Variants in SENP6 observed in about 807,000 individuals in gnomAD.
The protein encoded by SENP6 is sentrin-specific protease 6.
A neutral mutation model predicts 134.5 loss-of-function variants in SENP6; 41 were observed. The ratio of observed to expected loss-of-function variants is 0.30; its 90% CI spans 0.24 to 0.40. The LOEUF (loss-of-function observed/expected upper bound fraction) is 0.40, where lower values mean the gene tolerates loss of function less well. Ranked by LOEUF, SENP6 falls within the 10% of genes least tolerant of loss-of-function variation. SENP6 has a pLI of 1.00. For missense variants in SENP6, 1,248 were observed against 1,312.5 expected, an observed-to-expected ratio of 0.95 and a Z score of 0.76; for synonymous variants, 395 against 429.8, an observed-to-expected ratio of 0.92 and a Z score of 1.00.
In SENP6 at chr6:75,678,669, C is replaced by G; in HGVS notation, c.1935C>G (p.Thr645=). The part of the protein sequence containing the change: ...DEEEETGENH[T]IFIGPVEKLI... ...AAGAAGAAACTGGAGAAAACCACAC[C>G]ATCTTCATTGGCCCAGTAGAAAAGT... Residue 645 remains threonine (T), a synonymous_variant, in exon 15 of 24, where the codon ACC becomes ACG. Transcript: ENST00000447266. The G allele has an allele frequency of 6.3e-7, 1 of 1,596,540 alleles. No individual in the cohort carries two copies. The highest frequency in any genetic ancestry group is 1.1e-5 in the South Asian group (1 of 89,056).
chr6:75,648,657 T>G (rs11754482), intron 7 of SENP6, among the ~76,000 whole-genome samples: 1 of 152,100 alleles, frequency 6.6e-6, no homozygotes, highest in Non-Finnish European at 1.5e-5. Context: ...CTTTACATAC[T>G]AAGCATAGTT....
intron 16 of SENP6, among the ~76,000 whole-genome samples, chr6:75,690,136 C>A (rs1774135437): frequency 6.6e-6 from 1 of 152,112 alleles, no homozygotes; most frequent in South Asian, 2.1e-4. Context: ...GTCTTGAGCT[C>A]CTGCCCTCAA....
At chr6:75,695,749 A>G (rs897069895) in intron 16 of SENP6, 55 bp from the exon 17 acceptor site, 11 of 1,425,204 alleles carry the variant, frequency 7.7e-6, no homozygotes, top group Non-Finnish European at 9.5e-6. Flanking sequence ...AAAAATAGAA[A>G]TAAATAAAGT....
Position 75,677,037 on chromosome 6 carries a change from A to G in SENP6, c.1629A>G (p.Glu543=), listed in dbSNP as rs1773132911. Residue 543 remains glutamate (E), a synonymous_variant, in exon 14 of 24, where the codon GAA becomes GAG. Coordinates refer to ENST00000447266, the MANE Select transcript of SENP6 (RefSeq NM_015571.4). ...ATATTTATTTCTTTTCAGATTTAGA[A>G]GAACAATATATAATTTTAATTTTTC... is the stretch of plus-strand genomic sequence containing the variant. ...CKGVNKLTNL[E]EQYIILIFQN... The G allele has an allele frequency of 2.1e-6, 3 of 1,446,076 alleles. No individual in the cohort carries two copies. Among genetic ancestry groups the G allele is most frequent in the Non-Finnish European group, 1.9e-6 (2 of 1,044,820 alleles). 89.6% of individuals were successfully genotyped at this position (1,446,076 alleles called of 1,614,324 possible).
At chr6:75,696,597 C>A (rs558887440) in intron 17 of SENP6, among the ~76,000 whole-genome samples, 1 of 152,288 alleles carries the variant, frequency 6.6e-6, no homozygotes, top group East Asian at 1.9e-4. Context: ...TCCACCTCAG[C>A]CTCCCAAGTA....
chr6:75,714,298 ACTCT>A (rs1166322844), intron 23 of SENP6, among the ~76,000 whole-genome samples: 1 of 151,460 alleles, frequency 6.6e-6, no homozygotes, highest in East Asian at 1.9e-4. Context: ...TTTCTTCCTC[ACTCT>A]CTTGCTTTGA....
At chr6:75,669,698 A>G (rs1309085744) in intron 10 of SENP6, among the ~76,000 whole-genome samples, 2 of 152,240 alleles carry the variant, frequency 1.3e-5, no homozygotes, top group Non-Finnish European at 2.9e-5. Context: ...ATGTAAATAT[A>G]TAAGGAAGGG....
intron 5 of SENP6, among the ~76,000 whole-genome samples, chr6:75,639,408 T>C (rs1048658577): frequency 2.0e-5 from 3 of 152,136 alleles, no homozygotes; most frequent in African/African-American, 7.2e-5. Context: ...ATATTTTTAA[T>C]GTGTTCATGT....
At position 75,602,088 on chromosome 6, in the gene SENP6, G is replaced by A. The variant is rs1489558521; in HGVS notation, c.-437G>A. 1 of 158,386 alleles carries A rather than the reference G, an allele frequency of 6.3e-6. No individual in the cohort carries two copies. 9.8% of individuals were successfully genotyped at this position (158,386 alleles called of 1,614,324 possible). A position where few individuals can be genotyped will look rare whatever the true frequency, so the allele number is the denominator to read the frequency against. ...GCAGAGACCTCGCCGCTCCGGCGCG[G>A]CGGGTGCGGCCATTTTACGGCCTGG... is the stretch of plus-strand genomic sequence containing the variant. On this transcript the variant is annotated 5_prime_UTR_variant, in exon 1 of 24. Transcript: ENST00000447266.
At chr6:75,688,114 C>T (rs1056660339) in intron 16 of SENP6, among the ~76,000 whole-genome samples, 3 of 152,338 alleles carry the variant, frequency 2.0e-5, no homozygotes, top group Non-Finnish European at 4.4e-5. Context: ...GGATGCCCCT[C>T]CCCCAGTCAG....
chr6:75,717,349 A>T lies in SENP6; in HGVS notation c.*1755A>T, dbSNP rs276684. ...TTCTAAAATGCCTACTTGTTTTTGC[A>T]TTAATTTGTAATGCTTACATTTTGC... On this transcript the variant is annotated 3_prime_UTR_variant, in exon 24 of 24. Coordinates refer to ENST00000447266, the MANE Select transcript of SENP6 (RefSeq NM_015571.4). 6.6e-6 allele frequency: 1 copy of T among 151,834 alleles called. No homozygotes were observed. The highest frequency in any genetic ancestry group is 6.6e-5 in the Admixed American group (1 of 15,232). 9.4% of individuals were successfully genotyped at this position (151,834 alleles called of 1,614,324 possible).
chr6:75,677,178 C>G lies in SENP6; in HGVS notation c.1770C>G (p.Gly590=). The G allele has an allele frequency of 1.2e-6, 2 of 1,612,600 alleles. No individual in the cohort carries two copies. Among genetic ancestry groups the G allele is most frequent in the Non-Finnish European group, 1.7e-6 (2 of 1,179,176 alleles). ...AAATTCCCTTTGAAGAAGCTAATGG[C>G]AGACTTGTTGCCTGTACAAGAACCT... ...FAKIPFEEAN[G]RLVACTRTYE... Residue 590 remains glycine (G), a synonymous_variant, in exon 14 of 24, where the codon GGC becomes GGG. Coordinates refer to ENST00000447266, the MANE Select transcript of SENP6 (RefSeq NM_015571.4).
intron 1 of SENP6, among the ~76,000 whole-genome samples, chr6:75,614,616 A>C (rs758616255): frequency 2.4e-4 from 36 of 152,074 alleles, no homozygotes; most frequent in Non-Finnish European, 5.0e-4. Context: ...GATACTTTGA[A>C]ACCTGTAAAT....
intron 20 of SENP6, 50 bp from the exon 21 acceptor site, chr6:75,711,278 G>T (rs777190222): frequency 9.9e-6 from 13 of 1,319,232 alleles, no homozygotes; most frequent in East Asian, 2.4e-5. Context: ...TAGGTTATTA[G>T]TTATTTAGAT....
intron 18 of SENP6, 89 bp downstream of exon 18, chr6:75,697,606 T>C (rs992621506): frequency 3.6e-6 from 3 of 839,900 alleles, no homozygotes; most frequent in Non-Finnish European, 5.8e-6. Flanking sequence ...AAGAATTCAT[T>C]TTAAAACATC....
At chr6:75,694,863 G>T (rs986368802) in intron 16 of SENP6, among the ~76,000 whole-genome samples, 8 of 151,504 alleles carry the variant, frequency 5.3e-5, no homozygotes, top group East Asian at 3.9e-4. Flanking sequence ...TGTGCCCTTG[G>T]TTTTTTTTAA....
chr6:75,696,039 A>T, intron 17 of SENP6, 116 bp downstream of exon 17: 1 of 924,216 alleles, frequency 1.1e-6, no homozygotes, highest in Non-Finnish European at 1.6e-6. Flanking sequence ...TTACTTTTTA[A>T]ATTCTCCAGC....
chr6:75,641,589 G>A (rs1380015333), intron 6 of SENP6, among the ~76,000 whole-genome samples: 2 of 152,100 alleles, frequency 1.3e-5, no homozygotes, highest in Admixed American at 1.3e-4. Context: ...TATTTGAATG[G>A]TATAAATGGC....
chr6:75,688,793 C>T (rs913859457), intron 16 of SENP6, among the ~76,000 whole-genome samples: 3 of 152,118 alleles, frequency 2.0e-5, no homozygotes, highest in African/African-American at 4.8e-5. Flanking sequence ...GCAAGCCAGG[C>T]GTGGTGGCTC....
Sources: allele counts gnomAD v4.1 joint callset (sites outside exome capture counted in the v4.1 genomes callset), GRCh38; gene constraint gnomAD v4.1.1; transcripts MANE v1.5; gene names NCBI Gene and HGNC (gene_info 2026-07-23, HGNC 2026-07-21).